The following FAM120B variants were observed in gnomAD, a reference collection of about 807,000 sequenced individuals.
FAM120B encodes the protein constitutive coactivator of peroxisome proliferator-activated receptor gamma.
Under a neutral mutation model 96.3 loss-of-function variants are expected in FAM120B, and 83 were observed. That is an observed-to-expected ratio of 0.86 (90% CI 0.72 to 1.03). The LOEUF is 1.03. FAM120B is among the 50% of genes least tolerant of loss of function. The pLI is 0.00. For synonymous variants in FAM120B, 407 were observed against 402.7 expected, an observed-to-expected ratio of 1.01 and a Z score of -0.13; for missense variants, 1,027 against 1,121.2, an observed-to-expected ratio of 0.92 and a Z score of 1.20.
chr6:170,402,278 G>C (rs1336367571), intron 9 of FAM120B, among the ~76,000 whole-genome samples: 1 of 152,220 alleles, frequency 6.6e-6, no homozygotes, highest in Non-Finnish European at 1.5e-5. Flanking sequence ...GTCCTCCCTA[G>C]ACTCTGCATT....
intron 4 of FAM120B, among the ~76,000 whole-genome samples, chr6:170,334,521 G>T (rs540796748): frequency 5.3e-5 from 8 of 150,222 alleles, no homozygotes; most frequent in African/African-American, 1.7e-4. Context: ...AGTCTTGGAG[G>T]TTTCTGTGAG....
chr6:170,385,430 AACTC>A (rs1213494709), intron 6 of FAM120B, among the ~76,000 whole-genome samples: 1 of 152,208 alleles, frequency 6.6e-6, no homozygotes, highest in African/African-American at 2.4e-5. Context: ...TAAAAAATCA[AACTC>A]AGGGAGTGTG....
At chr6:170,361,240 G>GATA in intron 6 of FAM120B, among the ~76,000 whole-genome samples, 1 of 42,652 alleles carries the variant, frequency 2.3e-5, no homozygotes, top group East Asian at 8.1e-4. Flanking sequence ...ATATATACAC[G>GATA]TATATATATA....
chr6:170,395,700 A>C (rs1790691346), intron 9 of FAM120B, 121 bp downstream of exon 9: 1 of 674,424 alleles, frequency 1.5e-6, no homozygotes, highest in Non-Finnish European at 2.6e-6. Context: ...GTAAATAAAC[A>C]GATAAATATA....
intron 7 of FAM120B, 64 bp downstream of exon 7, chr6:170,388,557 C>A: frequency 7.2e-7 from 1 of 1,387,634 alleles, no homozygotes; most frequent in Non-Finnish European, 1.0e-6. Context: ...GCACAAAAAA[C>A]ATGAAGTCGG....
chr6:170,292,739 T>C (rs1315282277), upstream of FAM120B, among the ~76,000 whole-genome samples: 2 of 152,266 alleles, frequency 1.3e-5, no homozygotes, highest in African/African-American at 4.8e-5. The surrounding 1 kb of genome is among the most constrained non-coding windows in gnomAD (Gnocchi z 6.6). Context: ...ATTGCTACTC[T>C]GCGGCTCCTC....
intron 6 of FAM120B, among the ~76,000 whole-genome samples, chr6:170,385,022 C>T (rs1790112569): frequency 6.6e-6 from 1 of 152,152 alleles, no homozygotes; most frequent in Non-Finnish European, 1.5e-5. Context: ...GAATCCTGCA[C>T]CCAAAAGCTA....
intron 3 of FAM120B, among the ~76,000 whole-genome samples, chr6:170,325,506 G>A (rs904678354): frequency 1.3e-5 from 2 of 148,716 alleles, no homozygotes; most frequent in African/African-American, 2.5e-5. Context: ...TGTGTTTTAT[G>A]CACTCATTTG....
intron 4 of FAM120B, among the ~76,000 whole-genome samples, chr6:170,332,596 G>T (rs2115073799): frequency 6.6e-6 from 1 of 152,284 alleles, no homozygotes; most frequent in East Asian, 1.9e-4. Flanking sequence ...TACTCAGGAG[G>T]CTGAGGCAGG....
intron 6 of FAM120B, among the ~76,000 whole-genome samples, chr6:170,377,254 A>G (rs35866407): frequency 2.1e-5 from 2 of 96,826 alleles, no homozygotes; most frequent in African/African-American, 5.1e-5. Flanking sequence ...GCCTGGGAGA[A>G]CGCAGGCTCA....
intron 4 of FAM120B, among the ~76,000 whole-genome samples, chr6:170,340,913 G>A (rs1786777978): frequency 2.0e-5 from 3 of 152,202 alleles, no homozygotes; most frequent in South Asian, 2.1e-4. Context: ...CCTGTATGAG[G>A]TGTCTGTCAA....
In FAM120B at chr6:170,391,003, C is replaced by T; in HGVS notation, c.2491-10C>T. On this transcript the variant is annotated splice_polypyrimidine_tract_variant and intron_variant, in intron 7 of 10. Coordinates refer to ENST00000476287, the MANE Select transcript of FAM120B (RefSeq NM_032448.3). Reference sequence around the variant, plus strand: ...CCCTCACATCTCATTTGCATCTGGTCTGTTTGCAGAGATCTCGGCTCACCA... The same window carrying T: ...CCCTCACATCTCATTTGCATCTGGTTTGTTTGCAGAGATCTCGGCTCACCA... The T allele has an allele frequency of 6.2e-7, 1 of 1,612,192 alleles. No individual in the cohort carries two copies. The highest frequency in any genetic ancestry group is 8.5e-7 in the Non-Finnish European group (1 of 1,178,432).
chr6:170,318,918 A>G lies in FAM120B; in HGVS notation c.1528A>G (p.Ile510Val), dbSNP rs762794911. 7 of 1,614,234 alleles carry G rather than the reference A, an allele frequency of 4.3e-6. No homozygotes were observed. Among genetic ancestry groups the G allele is most frequent in the Middle Eastern group, 1.6e-4 (1 of 6,062 alleles). The change falls in exon 2 of 11, where the codon ATA (isoleucine) becomes GTA (valine). Residue 510 changes from isoleucine to valine, a missense_variant. Coordinates refer to ENST00000476287, the MANE Select transcript of FAM120B (RefSeq NM_032448.3). ...CCATGAATCCAAACAGGAAGTTCCC[A>G]TATGTACAGATCCTATATCCAAGCA... The part of the protein sequence containing the change: ...TGHESKQEVP[I>V]CTDPISKQED...
In FAM120B at chr6:170,388,413, G is replaced by A. The variant is rs1238888591; in HGVS notation, c.2410G>A (p.Val804Ile). The A allele has an allele frequency of 5.6e-6, 9 of 1,614,040 alleles. No homozygotes were observed. The highest frequency in any genetic ancestry group is 1.3e-5 in the African/African-American group (1 of 74,904). Residue 804 changes from valine to isoleucine, a missense_variant, in exon 7 of 11, where the codon GTA becomes ATA. Val to Ile is a conservative substitution (Grantham distance 29). Transcript: ENST00000476287. ...GACGAGTGATTTCATGCCCTGGAAT[G>A]TATTTGACGGGAAGCTTTTTCATCA... ...WKTSDFMPWN[V>I]FDGKLFHQKY...
chr6:170,330,260 T>C (rs553346631), intron 3 of FAM120B, among the ~76,000 whole-genome samples, 189 bp from the exon 4 acceptor site: 1 of 152,320 alleles, frequency 6.6e-6, no homozygotes, highest in Non-Finnish European at 1.5e-5. Context: ...TGGTTCTTGA[T>C]GGAATGAACA....
chr6:170,376,876 T>G (rs982650654), intron 6 of FAM120B, among the ~76,000 whole-genome samples: 3 of 152,118 alleles, frequency 2.0e-5, no homozygotes, highest in Non-Finnish European at 4.4e-5. Flanking sequence ...AGTGCCTGTT[T>G]CCGTGTAGAG....
intron 9 of FAM120B, among the ~76,000 whole-genome samples, chr6:170,403,649 CTT>C (rs1778695866): frequency 6.6e-6 from 1 of 152,140 alleles, no homozygotes. Context: ...AGTGAGAAGG[CTT>C]TAACCTCTTC....
rs1006896645 is a variant in FAM120B at position 170,363,408 on chromosome 6, G to A, written c.2283+5090G>A. On this transcript the variant is annotated intron_variant, in intron 6 of 10. Transcript: ENST00000476287. This position sits in a 1 kb window ranked among gnomAD's most constrained non-coding sequence, Gnocchi z 4.5. ...CACCGCTGTCCCTGGTGTGCATGGC[G>A]AGTGCAGCAAGTCACACCTGTGTCA... Among the ~76,000 whole-genome samples, 1 of 152,254 alleles carries A rather than the reference G, an allele frequency of 6.6e-6. No homozygotes were observed. Among genetic ancestry groups the A allele is most frequent in the Non-Finnish European group, 1.5e-5 (1 of 68,048 alleles).
At chr6:170,366,142 A>G (rs1423525426) in intron 6 of FAM120B, among the ~76,000 whole-genome samples, 2 of 152,172 alleles carry the variant, frequency 1.3e-5, no homozygotes, top group African/African-American at 4.8e-5. Flanking sequence ...TCAAGATATA[A>G]TACAAGTTTC....
Sources: allele counts gnomAD v4.1 joint callset (sites outside exome capture counted in the v4.1 genomes callset), GRCh38; gene constraint gnomAD v4.1.1; non-coding constraint Gnocchi (gnomAD v3.1); transcripts MANE v1.5; gene names NCBI Gene and HGNC (gene_info 2026-07-23, HGNC 2026-07-21).